The following CNTN5 variants were observed in gnomAD, a reference collection of about 807,000 sequenced individuals.
The protein encoded by CNTN5 is contactin-5.
CNTN5 carries 77 observed loss-of-function variants against 129.1 expected under a neutral mutation model. That is an observed-to-expected ratio of 0.60 (90% CI 0.50 to 0.72). The LOEUF (loss-of-function observed/expected upper bound fraction) is 0.72, where lower values mean the gene tolerates loss of function less well. Ranked by LOEUF, CNTN5 falls within the 30% of genes least tolerant of loss-of-function variation. The pLI is 0.00. For missense variants in CNTN5, 1,478 were observed against 1,328.8 expected, an observed-to-expected ratio of 1.11 and a Z score of -1.75; for synonymous variants, 509 against 465.6, an observed-to-expected ratio of 1.09 and a Z score of -1.20.
In CNTN5 at chr11:99,280,919, T is replaced by C. The variant is rs533320648; in HGVS notation, c.-209-44427T>C. Among the ~76,000 whole-genome samples, 11 of 151,782 alleles carry C rather than the reference T, an allele frequency of 7.2e-5. No homozygotes were observed. In the South Asian group the frequency reaches 2.3e-3, roughly 31 times the overall value. ...TATATTGAATATATTTACAGTTATA[T>C]ATAACAACATCAAGGAATCAAGGAA... On this transcript the variant is annotated intron_variant, in intron 1 of 24. Transcript: ENST00000524871.
At chr11:99,076,554 G>A (rs902800319) in intron 1 of CNTN5, among the ~76,000 whole-genome samples, 6 of 151,870 alleles carry the variant, frequency 4.0e-5, no homozygotes, top group Non-Finnish European at 7.4e-5. Flanking sequence ...GTGTATCCAG[G>A]TTTCCAGACT....
chr11:99,443,070 G>T (rs1383227486), intron 2 of CNTN5, among the ~76,000 whole-genome samples: 3 of 152,058 alleles, frequency 2.0e-5, no homozygotes, highest in Admixed American at 1.3e-4. Context: ...ATTCACAAAA[G>T]AATTAATATT....
intron 1 of CNTN5, among the ~76,000 whole-genome samples, chr11:99,191,220 TG>T (rs1411867566): frequency 1.4e-4 from 22 of 151,878 alleles, no homozygotes; most frequent in Non-Finnish European, 7.4e-5. Flanking sequence ...ATCTTTTAAA[TG>T]TACTGTTAAA....
chr11:99,365,213 T>C (rs1939368513), intron 2 of CNTN5, among the ~76,000 whole-genome samples: 1 of 152,190 alleles, frequency 6.6e-6, no homozygotes, highest in Non-Finnish European at 1.5e-5. Flanking sequence ...TTTTCCCATC[T>C]TTAAAATGAG....
intron 1 of CNTN5, among the ~76,000 whole-genome samples, chr11:99,202,220 A>G (rs985907256): frequency 2.0e-5 from 3 of 152,214 alleles, no homozygotes; most frequent in Admixed American, 2.0e-4. Flanking sequence ...TCTGAAGCTC[A>G]TGGTTTATTC....
At chr11:100,154,485 A>G (rs894643064) in intron 13 of CNTN5, among the ~76,000 whole-genome samples, 1 of 152,096 alleles carries the variant, frequency 6.6e-6, no homozygotes, top group African/African-American at 2.4e-5. Context: ...ATAAACATAC[A>G]TGTGCAGATG....
intron 13 of CNTN5, among the ~76,000 whole-genome samples, chr11:100,091,231 G>GC (rs11400280): frequency 0.33 from 50,207 of 150,980 alleles, 8,489 homozygotes; most frequent in South Asian, 0.45. Flanking sequence ...AAGTACTGTT[G>GC]CCCAGAGTGT....
At chr11:99,953,917 T>A (rs11603633) in intron 7 of CNTN5, among the ~76,000 whole-genome samples, 18,274 of 152,202 alleles carry the variant, frequency 0.12, 1,147 homozygotes, top group Middle Eastern at 0.16. Context: ...TCTTTTCCCG[T>A]GCCTATGTCC....
intron 2 of CNTN5, among the ~76,000 whole-genome samples, chr11:99,377,732 A>G (rs1050593740): frequency 9.2e-5 from 14 of 152,214 alleles, no homozygotes; most frequent in Middle Eastern, 3.4e-3. Context: ...CTGGAGGTAC[A>G]TCTTTGGTTC....
chr11:99,168,202 C>T (rs1860970614), intron 1 of CNTN5, among the ~76,000 whole-genome samples: 1 of 152,130 alleles, frequency 6.6e-6, no homozygotes, highest in Non-Finnish European at 1.5e-5. Context: ...CCTTTGCCTT[C>T]CAAAGTGCTG....
At chr11:99,410,724 A>T (rs1459755652) in intron 2 of CNTN5, among the ~76,000 whole-genome samples, 1 of 152,240 alleles carries the variant, frequency 6.6e-6, no homozygotes, top group African/African-American at 2.4e-5. Context: ...GGCATGAATA[A>T]TGTGTACATT....
chr11:99,963,825 T>C (rs1054907906), intron 8 of CNTN5, among the ~76,000 whole-genome samples: 25 of 152,168 alleles, frequency 1.6e-4, no homozygotes, highest in Non-Finnish European at 2.6e-4. Flanking sequence ...GTATCCTCTT[T>C]TGTTTCATTG....
chr11:99,185,650 A>C (rs1313189545), intron 1 of CNTN5, among the ~76,000 whole-genome samples: 1 of 151,796 alleles, frequency 6.6e-6, no homozygotes, highest in Non-Finnish European at 1.5e-5. Flanking sequence ...AATGCACTAA[A>C]TCTGAACTAA....
chr11:99,099,507 T>C (rs1366767312), intron 1 of CNTN5, among the ~76,000 whole-genome samples: 1 of 151,762 alleles, frequency 6.6e-6, no homozygotes, highest in Non-Finnish European at 1.5e-5. Flanking sequence ...TCACACTGTG[T>C]CACCCCAGGA....
intron 2 of CNTN5, among the ~76,000 whole-genome samples, chr11:99,478,871 A>T (rs554605132): frequency 6.6e-6 from 1 of 152,278 alleles, no homozygotes; most frequent in African/African-American, 2.4e-5. Context: ...ACACAGAGCA[A>T]ATGATTTAAT....
intron 6 of CNTN5, among the ~76,000 whole-genome samples, chr11:99,894,251 A>C (rs1345337438): frequency 2.0e-5 from 3 of 152,074 alleles, no homozygotes; most frequent in Non-Finnish European, 4.4e-5. Context: ...TTATGATGCA[A>C]ATGATCTTTC....
At chr11:99,597,082 G>C (rs1257072973) in intron 3 of CNTN5, among the ~76,000 whole-genome samples, 1 of 152,096 alleles carries the variant, frequency 6.6e-6, no homozygotes, top group African/African-American at 2.4e-5. Flanking sequence ...ACTTCTTGAT[G>C]CGTTAGAGTT....
chr11:100,129,739 A>C (rs1946312810), intron 13 of CNTN5, among the ~76,000 whole-genome samples: 1 of 152,178 alleles, frequency 6.6e-6, no homozygotes, highest in Non-Finnish European at 1.5e-5. Flanking sequence ...TGCCAAAGAA[A>C]ATACCAGTTG....
At chr11:99,919,994 A>G (rs1344659211) in intron 7 of CNTN5, among the ~76,000 whole-genome samples, 3 of 151,860 alleles carry the variant, frequency 2.0e-5, no homozygotes, top group South Asian at 2.1e-4. Flanking sequence ...TCTGCAATCT[A>G]TGTATGTGCA....
Sources: gnomAD v4.1 joint callset for allele counts (sites outside exome capture counted in the v4.1 genomes callset) on GRCh38, gnomAD v4.1.1 for gene constraint, MANE v1.5 for transcripts, NCBI Gene and HGNC (gene_info 2026-07-23, HGNC 2026-07-21) for gene names.